Variants in CES4A observed in about 807,000 individuals in gnomAD.
The protein encoded by CES4A is carboxylesterase 6.
Under a neutral mutation model 65.4 loss-of-function variants are expected in CES4A, and 48 were observed. The ratio of observed to expected loss-of-function variants is 0.73; its 90% CI spans 0.58 to 0.93. The LOEUF (loss-of-function observed/expected upper bound fraction) is 0.93. Among genes scored for constraint, CES4A ranks in the 40% least tolerant of loss-of-function variants. The pLI is 0.00. For missense variants in CES4A, 685 were observed against 728.5 expected, an observed-to-expected ratio of 0.94 and a Z score of 0.69; for synonymous variants, 247 against 281.8, an observed-to-expected ratio of 0.88 and a Z score of 1.24.
chr16:67,005,374 G>T (rs761759210), exon 11 of CES4A: 4 of 1,613,916 alleles, frequency 2.5e-6, no homozygotes, highest in Non-Finnish European at 3.4e-6. Context: ...CCACACTGCA[G>T]ACTGCTCACT....
At chr16:66,990,629 G>GTGGA (rs1214582792) in intron 1 of CES4A, among the ~76,000 whole-genome samples, 1 of 152,076 alleles carries the variant, frequency 6.6e-6, no homozygotes, top group Non-Finnish European at 1.5e-5. Context: ...AGTTTGGGAG[G>GTGGA]TGGAGGCTGT....
intron 9 of CES4A, 82 bp from the exon 10 acceptor site, chr16:67,004,711 C>T: frequency 8.8e-7 from 1 of 1,134,604 alleles, no homozygotes; most frequent in Non-Finnish European, 1.3e-6. Flanking sequence ...TGGGCAAGAC[C>T]TTTGGGGCCT....
intron 5 of CES4A, among the ~76,000 whole-genome samples, chr16:67,002,460 C>T (rs1006110418): frequency 3.9e-5 from 6 of 152,020 alleles, no homozygotes; most frequent in Non-Finnish European, 7.4e-5. Flanking sequence ...GGCTCTAAAG[C>T]AGGGGCAGGA....
chr16:67,007,147 C>G, intron 13 of CES4A: 1 of 307,656 alleles, frequency 3.3e-6, no homozygotes, highest in East Asian at 6.5e-5. Flanking sequence ...CAGCAGCTCA[C>G]CACATAAAAT....
At chr16:67,008,763 A>G (rs1012558317) in intron 13 of CES4A, 46 of 535,928 alleles carry the variant, frequency 8.6e-5, no homozygotes, top group Admixed American at 1.4e-4. Flanking sequence ...TTGGTCTTTT[A>G]TATCTCTCAA....
At chr16:67,005,140 A>G in intron 10 of CES4A, 100 bp from the exon 11 acceptor site, 5 of 1,301,648 alleles carry the variant, frequency 3.8e-6, no homozygotes, top group Non-Finnish European at 5.5e-6. Flanking sequence ...TCCCAGGCCA[A>G]AAACTCCTGG....
intron 2 of CES4A, among the ~76,000 whole-genome samples, chr16:66,996,878 AC>A (rs917789739): frequency 1.3e-5 from 2 of 151,934 alleles, no homozygotes; most frequent in Non-Finnish European, 2.9e-5. Context: ...GCATGGCAAG[AC>A]CCCATATCTA....
chr16:67,005,283 T>C, exon 11 of CES4A: 1 of 1,614,086 alleles, frequency 6.2e-7, no homozygotes, highest in South Asian at 1.1e-5. Flanking sequence ...GAGGAGTACC[T>C]GGACAATGTC....
At chr16:66,998,815 G>A (rs1965064300) in intron 2 of CES4A, among the ~76,000 whole-genome samples, 1 of 151,954 alleles carries the variant, frequency 6.6e-6, no homozygotes, top group Non-Finnish European at 1.5e-5. Context: ...CAGCCAAGAT[G>A]GTGCCACTGC....
chr16:67,000,824 C>T lies in CES4A; in HGVS notation c.403-33C>T, dbSNP rs1173771365. Reference sequence around the variant, plus strand: ...CGCCCGCGGTCCCACCGCCGCCCACCGCCCCGCTCAGATCCCGGCCTTCTT... The same window carrying T: ...CGCCCGCGGTCCCACCGCCGCCCACTGCCCCGCTCAGATCCCGGCCTTCTT... On this transcript the variant is annotated intron_variant, in intron 3 of 13. Coordinates refer to ENST00000648724, the Ensembl canonical transcript of CES4A. The surrounding 1 kb of genome is among the most constrained non-coding windows in gnomAD (Gnocchi z 4.2). 1.9e-6 allele frequency: 3 copies of T among 1,556,522 alleles called. No homozygotes were observed. Among genetic ancestry groups the T allele is most frequent in the African/African-American group, 1.4e-5 (1 of 73,482 alleles).
Position 67,004,604 on chromosome 16 carries a change from C to G in CES4A, c.1081-189C>G, listed in dbSNP as rs538586548. ...CACTCAGTACCACTTCAGCTCTGGC[C>G]CAGGTGGTAGTGATGAGCAGGATGG... On this transcript the variant is annotated intron_variant, in intron 9 of 13. Coordinates refer to ENST00000648724, the Ensembl canonical transcript of CES4A. Among the ~76,000 whole-genome samples the G allele has an allele frequency of 3.9e-5, 6 of 152,248 alleles. No homozygotes were observed. The South Asian group carries it at 1.2e-3, about 32-fold the overall frequency.
At chr16:67,005,179 TG>T (rs1965656128) in intron 10 of CES4A, 60 bp from the exon 11 acceptor site, 5 of 1,562,450 alleles carry the variant, frequency 3.2e-6, no homozygotes, top group Admixed American at 1.7e-5. Flanking sequence ...AAGTCACTGG[TG>T]GGCCCACCTC....
chr16:66,988,819 A>G, exon 1 of CES4A: 1 of 1,567,942 alleles, frequency 6.4e-7, no homozygotes, highest in South Asian at 1.2e-5. Context: ...CTGATGGCGC[A>G]GACGGCCTTG....
intron 1 of CES4A, among the ~76,000 whole-genome samples, chr16:66,994,358 C>T (rs903923425): frequency 2.8e-4 from 42 of 149,084 alleles, no homozygotes; most frequent in Admixed American, 7.3e-4. Flanking sequence ...GCCTCAGCCT[C>T]CTGAGTAGCA....
intron 2 of CES4A, among the ~76,000 whole-genome samples, chr16:66,997,035 A>G (rs995715650): frequency 6.6e-5 from 10 of 151,668 alleles, no homozygotes; most frequent in Non-Finnish European, 1.0e-4. Flanking sequence ...ACTGCACTCC[A>G]GCCTGAGCCA....
chr16:66,995,730 T>G (rs1171802998), exon 2 of CES4A: 1 of 1,614,010 alleles, frequency 6.2e-7, no homozygotes, highest in South Asian at 1.1e-5. Context: ...TTTTTAGGAG[T>G]CCCCTTCTCC....
chr16:67,004,138 T>G, exon 9 of CES4A: 1 of 1,614,176 alleles, frequency 6.2e-7, no homozygotes, highest in South Asian at 1.1e-5. Context: ...AGATGACCCT[T>G]TGGTGCTCCT....
rs1407737997 is a variant in CES4A, at chr16:67,008,961, T to C, written c.1518-13T>C. The C allele has an allele frequency of 6.2e-7, 1 of 1,607,466 alleles. No homozygotes were observed. The highest frequency in any genetic ancestry group is 8.5e-7 in the Non-Finnish European group (1 of 1,177,944). On this transcript the variant is annotated splice_polypyrimidine_tract_variant and intron_variant, in intron 13 of 13. Coordinates refer to ENST00000648724, the Ensembl canonical transcript of CES4A. ...GGAACACAGGTAATCCTCTCTTTTT[T>C]ATTTCTGGGCAGAAACCCCAATGAT...
At chr16:66,994,763 C>T (rs1279496801) in intron 1 of CES4A, among the ~76,000 whole-genome samples, 4 of 149,250 alleles carry the variant, frequency 2.7e-5, no homozygotes, top group African/African-American at 7.5e-5. Context: ...GGCTTGAACC[C>T]GGGAGGCAGA....
Sources: gnomAD v4.1 joint callset for allele counts (sites outside exome capture counted in the v4.1 genomes callset) on GRCh38, gnomAD v4.1.1 for gene constraint, Gnocchi (gnomAD v3.1) non-coding constraint, MANE v1.5 for transcripts, NCBI Gene and HGNC (gene_info 2026-07-23, HGNC 2026-07-21) for gene names.